PPIG: variants seen among roughly 807,000 people sequenced by gnomAD.
PPIG encodes peptidylprolyl isomerase G, also known as peptidyl-prolyl cis-trans isomerase G.
Under a neutral mutation model 87.9 loss-of-function variants are expected in PPIG, and 26 were observed. The observed-to-expected ratio is 0.30, with a 90% CI of 0.22 to 0.41. The LOEUF (loss-of-function observed/expected upper bound fraction) is 0.41. Ranked by LOEUF, PPIG falls within the 10% of genes least tolerant of loss-of-function variation. The pLI, the probability that PPIG is intolerant of heterozygous loss-of-function variation, is 1.00. For synonymous variants in PPIG, 308 were observed against 276.5 expected, an observed-to-expected ratio of 1.11 and a Z score of -1.13; for missense variants, 722 against 879.4, an observed-to-expected ratio of 0.82 and a Z score of 2.26.
rs762225401 is a variant in PPIG, at chr2:169,636,975, A to C, written c.1717A>C (p.Arg573=). The C allele has an allele frequency of 6.2e-7, 1 of 1,614,036 alleles. No individual in the cohort carries two copies. Among genetic ancestry groups the C allele is most frequent in the Non-Finnish European group, 8.5e-7 (1 of 1,179,972 alleles). Residue 573 remains arginine (R), a synonymous_variant, in exon 14 of 14, where the codon AGA becomes CGA. Transcript: ENST00000260970. ...ACGAAGCAGAAGTAGGGACAGAAGC[A>C]GAAGAGTGCGATCAAGAACCCATGA... ...RERSRSRDRS[R]RVRSRTHDRD... is the part of the protein sequence containing the mutation.
chr2:169,622,358 G>A (rs1264026749), intron 9 of PPIG, among the ~76,000 whole-genome samples: 1 of 152,234 alleles, frequency 6.6e-6, no homozygotes, highest in African/African-American at 2.4e-5. Flanking sequence ...TAAAAGGGCA[G>A]TACTTGAATA....
chr2:169,612,379 ATT>A (rs57752220), intron 7 of PPIG, among the ~76,000 whole-genome samples: 3,826 of 106,616 alleles, frequency 0.036, 103 homozygotes, highest in African/African-American at 0.13. Context: ...TCAGAACTCC[ATT>A]TTTTTTTTTT....
At chr2:169,629,083 A>G (rs1253376189) in intron 9 of PPIG, among the ~76,000 whole-genome samples, 1 of 152,192 alleles carries the variant, frequency 6.6e-6, no homozygotes, top group Non-Finnish European at 1.5e-5. Flanking sequence ...TCTGTAACCA[A>G]ACAACCAACA....
chr2:169,596,259 C>T (rs896590808), intron 1 of PPIG, among the ~76,000 whole-genome samples: 9 of 151,858 alleles, frequency 5.9e-5, no homozygotes, highest in African/African-American at 2.2e-4. Context: ...CACACGCCAT[C>T]ATGCCCTGTG....
chr2:169,593,813 ATT>A (rs376892159), intron 1 of PPIG, among the ~76,000 whole-genome samples: 2 of 138,806 alleles, frequency 1.4e-5, no homozygotes, highest in Non-Finnish European at 1.5e-5. Flanking sequence ...TGCCCGGCTA[ATT>A]TTTTTTTTTT....
At chr2:169,601,686 T>C (rs1307299221) in intron 1 of PPIG, among the ~76,000 whole-genome samples, 1 of 152,044 alleles carries the variant, frequency 6.6e-6, no homozygotes, top group Non-Finnish European at 1.5e-5. Flanking sequence ...AGGATACCAA[T>C]GTAGCTGAAA....
intron 11 of PPIG, among the ~76,000 whole-genome samples, chr2:169,632,599 G>C (rs1449367319): frequency 6.6e-6 from 1 of 151,830 alleles, no homozygotes; most frequent in Non-Finnish European, 1.5e-5. Context: ...AAATTAGCCG[G>C]GTGTGGTGGC....
In PPIG at chr2:169,630,141, G is replaced by GT. The variant is rs58416282; in HGVS notation, c.548-620dup. 2.1e-3 allele frequency among the ~76,000 whole-genome samples: 311 copies of GT among 147,704 alleles called. 1 individual carries two copies. The highest frequency in any genetic ancestry group is 3.4e-3 in the East Asian group (17 of 5,050). ...TATTAATTGATCCTTTAAACTCTGA[G>GT]TTTTTTTTTTTTTACCCTTTTTAAA... On this transcript the variant is annotated intron_variant, in intron 9 of 13. Coordinates refer to ENST00000260970, the MANE Select transcript of PPIG (RefSeq NM_004792.3).
intron 9 of PPIG, among the ~76,000 whole-genome samples, chr2:169,630,164 A>T (rs1194687450): frequency 2.0e-5 from 3 of 151,422 alleles, no homozygotes; most frequent in Admixed American, 6.6e-5. Context: ...TACCCTTTTT[A>T]AAGTTACTGC....
intron 6 of PPIG, among the ~76,000 whole-genome samples, chr2:169,608,406 G>A (rs563241017): frequency 6.6e-6 from 1 of 151,936 alleles, no homozygotes; most frequent in South Asian, 2.1e-4. Flanking sequence ...GGAGAATGGC[G>A]TGAACCCAGG....
chr2:169,584,534 G>C (rs1474472407), intron 1 of PPIG, 44 bp downstream of exon 1: 1 of 469,092 alleles, frequency 2.1e-6, no homozygotes, highest in African/African-American at 2.0e-5. Context: ...CGTCATTTCA[G>C]CAGTCCCTGC....
chr2:169,622,591 T>A (rs1397628064), intron 9 of PPIG, among the ~76,000 whole-genome samples: 1 of 152,188 alleles, frequency 6.6e-6, no homozygotes, highest in Non-Finnish European at 1.5e-5. Flanking sequence ...TTTGGCCCTT[T>A]ATTAATATGT....
rs761854947 is a variant in PPIG, at chr2:169,637,352, C to T, written c.2094C>T (p.Asp698=). The T allele has an allele frequency of 6.8e-6, 11 of 1,610,204 alleles. No individual in the cohort carries two copies. Among genetic ancestry groups the T allele is most frequent in the Middle Eastern group, 1.8e-4 (1 of 5,478 alleles). ...CAAAAATAAAACAAAGCAGTCAGGACAATGAATTAAAGTCCTCCATGTTGA... is the reference window on the plus strand; with the variant it reads ...CAAAAATAAAACAAAGCAGTCAGGATAATGAATTAAAGTCCTCCATGTTGA... ...PFSKIKQSSQ[D]NELKSSMLKN... The change falls in exon 14 of 14, where the codon GAC becomes GAT. Residue 698 remains aspartate (D), a synonymous_variant. Transcript: ENST00000260970.
chr2:169,620,883 A>T lies in PPIG; in HGVS notation c.547+6159A>T, dbSNP rs918861324. On this transcript the variant is annotated intron_variant, in intron 9 of 13. Transcript: ENST00000260970. ...TAGAAAGTAGTAAAACCTTAAACTG[A>T]CTCTGTTCTTACTAATCTAGGGAAT... is the stretch of plus-strand genomic sequence containing the variant. Among the ~76,000 whole-genome samples the T allele has an allele frequency of 7.9e-5, 12 of 152,196 alleles. No individual in the cohort carries two copies. The South Asian group carries it at 8.3e-4, about 11-fold the overall frequency.
At chr2:169,598,101 A>C (rs1382031917) in intron 1 of PPIG, among the ~76,000 whole-genome samples, 1 of 151,390 alleles carries the variant, frequency 6.6e-6, no homozygotes, top group Non-Finnish European at 1.5e-5. Flanking sequence ...CCTGGGCCCA[A>C]ATGATCCTCC....
In PPIG at chr2:169,631,807, C is replaced by A. The variant is rs1186740413; in HGVS notation, c.803C>A (p.Pro268His). The A allele has an allele frequency of 1.2e-6, 2 of 1,613,602 alleles. No homozygotes were observed. Reference sequence around the variant, plus strand: ...GAAGCTGAAAATCTTGAAGCACAACCCCAGTCTACTGTCCGTCCAGAAGAG... The same window carrying A: ...GAAGCTGAAAATCTTGAAGCACAACACCAGTCTACTGTCCGTCCAGAAGAG... ...ESEAENLEAQ[P>H]QSTVRPEEIP... The change falls in exon 11 of 14, where the codon CCC becomes CAC. Residue 268 changes from proline to histidine, a missense_variant. Pro to His is a moderately conservative substitution (Grantham distance 77, BLOSUM62 -2). Transcript: ENST00000260970.
chr2:169,617,858 C>T (rs1012344670), intron 9 of PPIG, among the ~76,000 whole-genome samples: 1 of 152,112 alleles, frequency 6.6e-6, no homozygotes, highest in Non-Finnish European at 1.5e-5. Flanking sequence ...TTTCTCTTGC[C>T]TGATTGCCCT....
At chr2:169,628,621 T>A (rs1685956821) in intron 9 of PPIG, among the ~76,000 whole-genome samples, 1 of 151,946 alleles carries the variant, frequency 6.6e-6, no homozygotes, top group African/African-American at 2.4e-5. Flanking sequence ...GGCCAGCCTG[T>A]GCAACATAGC....
intron 1 of PPIG, among the ~76,000 whole-genome samples, chr2:169,594,401 G>A (rs370089262): frequency 1.3e-5 from 2 of 151,062 alleles, no homozygotes; most frequent in East Asian, 3.9e-4. Flanking sequence ...AGAAAAATTG[G>A]AAAACAAATA....
Sources: allele counts gnomAD v4.1 joint callset (sites outside exome capture counted in the v4.1 genomes callset), GRCh38; gene constraint gnomAD v4.1.1; transcripts MANE v1.5; gene names NCBI Gene and HGNC (gene_info 2026-07-23, HGNC 2026-07-21).